The following SETX variants were observed in gnomAD, a reference collection of about 807,000 sequenced individuals.
SETX encodes helicase senataxin.
In SETX, 90 loss-of-function variants were observed where a neutral mutation model predicts 227.2. The observed-to-expected ratio is 0.40, with a 90% CI of 0.33 to 0.47. SETX has a LOEUF of 0.47. SETX is among the 20% of genes least tolerant of loss of function. SETX has a pLI of 0.91. For synonymous variants in SETX, 1,210 were observed against 1,113.2 expected, an observed-to-expected ratio of 1.09 and a Z score of -1.73; for missense variants, 3,052 against 3,181.5, an observed-to-expected ratio of 0.96 and a Z score of 0.98.
intron 14 of SETX, 68 bp from the exon 15 acceptor site, chr9:132,296,096 T>G (rs1844654842): frequency 7.0e-6 from 11 of 1,580,390 alleles, no homozygotes; most frequent in Non-Finnish European, 9.6e-6. Flanking sequence ...ATTACATAGC[T>G]TTAAAGTTTG....
In SETX at chr9:132,298,211, C is replaced by T; in HGVS notation, c.5650G>A (p.Val1884Ile). The T allele has an allele frequency of 6.2e-7, 1 of 1,613,980 alleles. No individual in the cohort carries two copies. Among genetic ancestry groups the T allele is most frequent in the Non-Finnish European group, 8.5e-7 (1 of 1,179,964 alleles). ...LVNCIVISSL[V>I]TTQRKLKAMS... ...GCTTTCAACTTCCTTTGTGTAGTTA[C>T]CAGAGAACTGATTACAATACAATTC... Residue 1884 changes from valine to isoleucine, a missense_variant, in exon 13 of 26, where the codon GTA (valine) becomes ATA (isoleucine). This residue lies in a region of SETX where 239 missense variants were observed against 272.1 expected (regional missense o/e 0.88). Coordinates refer to ENST00000224140, the MANE Select transcript of SETX (RefSeq NM_015046.7).
chr9:132,275,230 T>G, intron 23 of SETX, 26 bp downstream of exon 23: 2 of 1,609,498 alleles, frequency 1.2e-6, no homozygotes, highest in Non-Finnish European at 1.7e-6. Context: ...ACAAGAAAAT[T>G]GGAAATATTT....
At chr9:132,298,582 G>A (rs1844810544) in intron 12 of SETX, among the ~76,000 whole-genome samples, 1 of 152,130 alleles carries the variant, frequency 6.6e-6, no homozygotes, top group Non-Finnish European at 1.5e-5. Flanking sequence ...GGAAGTGATG[G>A]GGATGGAGGC....
chr9:132,335,254 G>A (rs1033065900), intron 6 of SETX, among the ~76,000 whole-genome samples: 24 of 151,634 alleles, frequency 1.6e-4, no homozygotes, highest in Non-Finnish European at 2.8e-4. Context: ...AGCCAGGCGT[G>A]GTGGCAGGCG....
intron 8 of SETX, 40 bp from the exon 9 acceptor site, chr9:132,331,179 G>A (rs1416997185): frequency 1.2e-6 from 2 of 1,607,056 alleles, no homozygotes; most frequent in Non-Finnish European, 8.5e-7. Context: ...TGAAACGAAG[G>A]GGGAAAAAAA....
Position 132,326,516 on chromosome 9 carries a change from T to C in SETX, c.5082A>G (p.Ser1694=), listed in dbSNP as rs1388614639. 6.2e-7 allele frequency: 1 copy of C among 1,614,178 alleles called. No individual in the cohort carries two copies. Among genetic ancestry groups the C allele is most frequent in the Admixed American group, 1.7e-5 (1 of 60,012 alleles). ...TAACGAAGGTGTCAGAGACAGACTG[T>C]GATGACAAAAGAATGTTTACTGGAG... ...SSSPVNILLS[S]QSVSDTFVKE... The change falls in exon 10 of 26, where the codon TCA becomes TCG. Residue 1694 remains serine (S), a synonymous_variant. Transcript: ENST00000224140.
At chr9:132,292,787 G>A (rs892705675) in intron 15 of SETX, among the ~76,000 whole-genome samples, 1 of 151,972 alleles carries the variant, frequency 6.6e-6, no homozygotes, top group African/African-American at 2.4e-5. Context: ...ACAGGCACCC[G>A]CCACCACACC....
intron 10 of SETX, among the ~76,000 whole-genome samples, chr9:132,324,247 A>T (rs530643435): frequency 6.6e-6 from 1 of 152,206 alleles, no homozygotes; most frequent in Admixed American, 6.5e-5. Flanking sequence ...CTAAAACAAA[A>T]GTACCTTAGG....
chr9:132,264,545 G>A lies in SETX; in HGVS notation c.7728C>T (p.Gly2576=). Residue 2576 remains glycine, a synonymous_variant, in exon 26 of 26, where the codon GGC becomes GGT. Coordinates refer to ENST00000224140, the MANE Select transcript of SETX (RefSeq NM_015046.7). ...TCAGGTCCTGGTGAACGACAGGGAA[G>A]CCCGGCTCGCCCGTAGGAGGTGTTG... is the stretch of plus-strand genomic sequence containing the variant. ...PGATPPTGEP[G]FPVVHQDLSH... 1 of 1,613,976 alleles carries A rather than the reference G, an allele frequency of 6.2e-7. No individual in the cohort carries two copies.
At chr9:132,335,466 A>T (rs1847559893) in intron 6 of SETX, among the ~76,000 whole-genome samples, 1 of 120,844 alleles carries the variant, frequency 8.3e-6, no homozygotes, top group South Asian at 2.5e-4. Flanking sequence ...AACTCTTTCT[A>T]CCAGGAAAAT....
rs1191882009 is a variant in SETX, at chr9:132,264,880, G to A, written c.7393C>T (p.Leu2465Phe). Residue 2465 changes from leucine to phenylalanine, a missense_variant, in exon 26 of 26, where the codon CTC (leucine) becomes TTC (phenylalanine). Coordinates refer to ENST00000224140, the MANE Select transcript of SETX (RefSeq NM_015046.7). ...AGACTTCTCTGCAGCACAGGCTTGA[G>A]TTTCAGAATCTTCACTGCATCATGT... is the stretch of plus-strand genomic sequence containing the variant. ...YRHDAVKILK[L>F]KPVLQRSLTH... 2 of 1,614,082 alleles carry A rather than the reference G, an allele frequency of 1.2e-6. No individual in the cohort carries two copies. Among genetic ancestry groups the A allele is most frequent in the East Asian group, 2.2e-5 (1 of 44,882 alleles).
rs138287942 is a variant in SETX at position 132,328,663 on chromosome 9, C to T, written c.2935G>A (p.Asp979Asn). ...AGCTGCGATGAGTTCTGAGGTGAAT[C>T]GGATGGGAACGTAATAACACTGGCT... ...AQASVITFPS[D>N]SPQNSSQLQR... The change falls in exon 10 of 26, where the codon GAT (aspartate) becomes AAT (asparagine). Residue 979 changes from aspartate to asparagine, a missense_variant. Asp to Asn is a conservative substitution (Grantham distance 23). Transcript: ENST00000224140. 4.3e-5 allele frequency: 70 copies of T among 1,613,032 alleles called. No individual in the cohort carries two copies. The highest frequency in any genetic ancestry group is 5.3e-5 in the Non-Finnish European group (62 of 1,179,618).
rs1196171685 is a variant in SETX, at chr9:132,269,654, C to T, written c.7248G>A (p.Lys2416=). Reference sequence around the variant, plus strand: ...AATGTCCGAGGATGAAGAGGCTGTACTTGGCTCGTGTGATGGTGACATTCA... The same window carrying T: ...AATGTCCGAGGATGAAGAGGCTGTATTTGGCTCGTGTGATGGTGACATTCA... ...QRLNVTITRA[K]YSLFILGHLR... The change falls in exon 25 of 26, where the codon AAG becomes AAA. Residue 2416 remains lysine (K), a synonymous_variant. Coordinates refer to ENST00000224140, the MANE Select transcript of SETX (RefSeq NM_015046.7). 1.2e-6 allele frequency: 2 copies of T among 1,614,240 alleles called. No homozygotes were observed. The highest frequency in any genetic ancestry group is 1.7e-6 in the Non-Finnish European group (2 of 1,180,032).
intron 19 of SETX, among the ~76,000 whole-genome samples, chr9:132,282,440 C>T (rs1843596819): frequency 6.6e-6 from 1 of 151,872 alleles, no homozygotes; most frequent in Admixed American, 6.6e-5. Context: ...AGGCACACAC[C>T]ATCAACTCCT....
At chr9:132,306,512 G>A (rs995334943) in intron 11 of SETX, among the ~76,000 whole-genome samples, 5 of 151,456 alleles carry the variant, frequency 3.3e-5, no homozygotes, top group Non-Finnish European at 7.4e-5. Flanking sequence ...GTGCCCAGCC[G>A]AGTCTACTAT....
intron 15 of SETX, among the ~76,000 whole-genome samples, chr9:132,289,465 G>A (rs1321695729): frequency 6.6e-6 from 1 of 151,934 alleles, no homozygotes; most frequent in Non-Finnish European, 1.5e-5. Flanking sequence ...ATTTGCTCTG[G>A]CCCCCTGGTT....
At chr9:132,355,158 TG>T (rs1184808219), upstream of SETX, among the ~76,000 whole-genome samples, 1 of 151,966 alleles carries the variant, frequency 6.6e-6, no homozygotes, top group East Asian at 1.9e-4. Context: ...CGCCGGGCGC[TG>T]GCGTCACGTC....
chr9:132,345,993 T>C, intron 4 of SETX, among the ~76,000 whole-genome samples: 1 of 152,050 alleles, frequency 6.6e-6, no homozygotes, highest in Admixed American at 6.6e-5. Context: ...CACTTCGGCC[T>C]AGGAGACACA....
At chr9:132,355,598 G>A (rs577449447), upstream of SETX, among the ~76,000 whole-genome samples, 1 of 152,346 alleles carries the variant, frequency 6.6e-6, no homozygotes, top group African/African-American at 2.4e-5. Flanking sequence ...CCACCACTTT[G>A]GGAGGCCCAG....
Sources: gnomAD v4.1 joint callset for allele counts (sites outside exome capture counted in the v4.1 genomes callset) on GRCh38, gnomAD v4.1.1 for gene constraint, gnomAD v4.1.1 regional missense constraint, MANE v1.5 for transcripts, NCBI Gene and HGNC (gene_info 2026-07-23, HGNC 2026-07-21) for gene names.